Variants in CTNNA1 observed in about 807,000 individuals in gnomAD.
CTNNA1 encodes catenin alpha-1.
In CTNNA1, 37 loss-of-function variants were observed where a neutral mutation model predicts 98.4. That is an observed-to-expected ratio of 0.38 (90% CI 0.29 to 0.49). The LOEUF is 0.49. Among genes scored for constraint, CTNNA1 ranks in the 20% least tolerant of loss-of-function variants. The pLI is 0.95. For synonymous variants in CTNNA1, 404 were observed against 413.2 expected (o/e 0.98, Z 0.27); for missense variants, 761 against 1,147.2 (o/e 0.66, Z 4.86).
intron 9 of CTNNA1, among the ~76,000 whole-genome samples, chr5:138,898,323 T>C (rs1341670137): frequency 6.6e-6 from 1 of 152,120 alleles, no homozygotes; most frequent in Non-Finnish European, 1.5e-5. Context: ...ACCTCTTTTC[T>C]TATAAATTAC....
At chr5:138,776,415 C>CA (rs1298955942) in intron 1 of CTNNA1, among the ~76,000 whole-genome samples, 2 of 152,212 alleles carry the variant, frequency 1.3e-5, no homozygotes, top group Non-Finnish European at 2.9e-5. Flanking sequence ...TAGTACAGAA[C>CA]AAAATGAAAA....
intron 12 of CTNNA1, 37 bp downstream of exon 12, chr5:138,924,747 C>A: frequency 2.0e-6 from 3 of 1,529,584 alleles, no homozygotes; most frequent in African/African-American, 1.4e-5. Context: ...TCGCACACAC[C>A]GCAGCCTCAG....
At chr5:138,817,106 C>T (rs1167169390) in intron 5 of CTNNA1, among the ~76,000 whole-genome samples, 2 of 152,196 alleles carry the variant, frequency 1.3e-5, no homozygotes, top group African/African-American at 4.8e-5. Context: ...ATAGTTTGCA[C>T]ATATTTTCTC....
intron 7 of CTNNA1, among the ~76,000 whole-genome samples, chr5:138,830,529 A>G (rs1001011478): frequency 5.3e-5 from 8 of 152,224 alleles, no homozygotes; most frequent in Non-Finnish European, 2.9e-5. Context: ...TGGAGTGAGG[A>G]TAAACGGTGA....
At chr5:138,783,970 T>C (rs1304126585) in intron 3 of CTNNA1, among the ~76,000 whole-genome samples, 1 of 152,212 alleles carries the variant, frequency 6.6e-6, no homozygotes, top group African/African-American at 2.4e-5. Flanking sequence ...AAAATGGTAA[T>C]CCACAGTTTA....
intron 13 of CTNNA1, 58 bp from the exon 14 acceptor site, chr5:138,929,188 G>A: frequency 1.1e-6 from 1 of 916,282 alleles, no homozygotes; most frequent in Non-Finnish European, 1.8e-6. Flanking sequence ...GGCTCAGGGT[G>A]GCTGGGGGCT....
In CTNNA1 at chr5:138,812,339, A is replaced by G. The variant is rs200189756; in HGVS notation, c.588+37A>G. The G allele has an allele frequency of 2.6e-4, 413 of 1,594,094 alleles. 1 individual carries two copies. In the South Asian group the frequency reaches 2.6e-3, roughly 10 times the overall value. On this transcript the variant is annotated intron_variant, in intron 5 of 17. Transcript: ENST00000302763. ...ATTTGGGGATATATTAAAGTTGTTC[A>G]TTTTACTATCTAGAGGGAAAAACTC... is the stretch of plus-strand genomic sequence containing the variant.
intron 4 of CTNNA1, among the ~76,000 whole-genome samples, chr5:138,811,751 AC>A (rs1758825308): frequency 6.6e-6 from 1 of 152,036 alleles, no homozygotes; most frequent in Non-Finnish European, 1.5e-5. Context: ...CCCCGTCTCC[AC>A]CAAAAAAATA....
intron 3 of CTNNA1, among the ~76,000 whole-genome samples, chr5:138,803,521 T>C (rs74463003): frequency 0.012 from 1,775 of 152,276 alleles, 29 homozygotes; most frequent in African/African-American, 0.041. Flanking sequence ...AAATCTGGTG[T>C]GTGCAACTCC....
At chr5:138,849,220 A>G (rs1459555091) in intron 7 of CTNNA1, among the ~76,000 whole-genome samples, 1 of 152,164 alleles carries the variant, frequency 6.6e-6, no homozygotes, top group African/African-American at 2.4e-5. Context: ...GTAACTATTC[A>G]TGTAGTTTCA....
chr5:138,803,715 A>G (rs1275577309), intron 3 of CTNNA1, among the ~76,000 whole-genome samples: 1 of 152,138 alleles, frequency 6.6e-6, no homozygotes, highest in African/African-American at 2.4e-5. Flanking sequence ...TATTTTTTCA[A>G]GGAGGCCTAC....
intron 7 of CTNNA1, among the ~76,000 whole-genome samples, chr5:138,865,903 T>A (rs1307430628): frequency 1.3e-5 from 2 of 152,228 alleles, no homozygotes; most frequent in African/African-American, 2.4e-5. Context: ...AGGTTTTGGG[T>A]ACTGAGCAGT....
At chr5:138,886,093 CTTTGAG>C (rs1474103249) in intron 7 of CTNNA1, 113 bp from the exon 8 acceptor site, 3 of 1,138,762 alleles carry the variant, frequency 2.6e-6, no homozygotes, top group Non-Finnish European at 3.7e-6. Context: ...TATTTTCCAA[CTTTGAG>C]TTTAAGAAGT....
At chr5:138,844,569 G>T (rs1762540723) in intron 7 of CTNNA1, among the ~76,000 whole-genome samples, 1 of 152,098 alleles carries the variant, frequency 6.6e-6, no homozygotes, top group African/African-American at 2.4e-5. Context: ...CCTCACTTTG[G>T]TTGTTGGTTG....
chr5:138,830,040 G>A (rs1021082296), intron 7 of CTNNA1, among the ~76,000 whole-genome samples: 1 of 152,056 alleles, frequency 6.6e-6, no homozygotes, highest in African/African-American at 2.4e-5. Flanking sequence ...GGAGGCGGGC[G>A]CCTGTAGTCC....
chr5:138,822,856 A>G (rs1284057002), intron 5 of CTNNA1, among the ~76,000 whole-genome samples: 3 of 152,228 alleles, frequency 2.0e-5, no homozygotes, highest in Non-Finnish European at 4.4e-5. Flanking sequence ...ATATACTGAG[A>G]TGAAGTTTCA....
intron 1 of CTNNA1, among the ~76,000 whole-genome samples, chr5:138,772,289 A>G (rs1405854638): frequency 6.6e-6 from 1 of 152,216 alleles, no homozygotes; most frequent in African/African-American, 2.4e-5. Flanking sequence ...AGATAAGTAC[A>G]GTTTAACTGT....
In CTNNA1 at chr5:138,874,311, A is replaced by G; in HGVS notation, c.1063-11901A>G. On this transcript the variant is annotated intron_variant, in intron 7 of 17. Transcript: ENST00000302763. The surrounding 1 kb of genome is among the most constrained non-coding windows in gnomAD (Gnocchi z 4.1). The stretch of plus-strand genomic sequence containing the variant: ...AAGTGGAGCCAAGTAAGTTGACTGA[A>G]GCTGGCAAATTGATCTCTTTCGAGC... The G allele has an allele frequency of 6.2e-7, 1 of 1,614,048 alleles. No homozygotes were observed. Among genetic ancestry groups the G allele is most frequent in the Non-Finnish European group, 8.5e-7 (1 of 1,179,902 alleles).
chr5:138,811,723 C>T (rs1758820480), intron 4 of CTNNA1, among the ~76,000 whole-genome samples: 1 of 151,968 alleles, frequency 6.6e-6, no homozygotes, highest in Admixed American at 6.6e-5. Context: ...GGAGACCAGC[C>T]CGGCCAACAC....
Sources: gnomAD v4.1 joint callset for allele counts (sites outside exome capture counted in the v4.1 genomes callset) on GRCh38, gnomAD v4.1.1 for gene constraint, Gnocchi (gnomAD v3.1) non-coding constraint, MANE v1.5 for transcripts, NCBI Gene and HGNC (gene_info 2026-07-23, HGNC 2026-07-21) for gene names.